The following NCF2 variants were observed in gnomAD, a reference collection of about 807,000 sequenced individuals.
NCF2 encodes neutrophil cytosolic factor 2, also known as neutrophil cytosol factor 2.
NCF2 carries 45 observed loss-of-function variants against 70.9 expected under a neutral mutation model. The observed-to-expected ratio is 0.63, with a 90% CI of 0.50 to 0.81. The LOEUF (loss-of-function observed/expected upper bound fraction) is 0.81, where lower values mean the gene tolerates loss of function less well. Ranked by LOEUF, NCF2 falls within the 40% of genes least tolerant of loss-of-function variation. The pLI, the probability that NCF2 is intolerant of heterozygous loss-of-function variation, is 0.00. For synonymous variants in NCF2, 203 were observed against 233.6 expected (o/e 0.87, Z 1.19); for missense variants, 522 against 631.6 (o/e 0.83, Z 1.86).
intron 2 of NCF2, among the ~76,000 whole-genome samples, chr1:183,579,970 A>C (rs574504000): frequency 2.9e-4 from 44 of 152,232 alleles, no homozygotes; most frequent in African/African-American, 9.9e-4. Flanking sequence ...CGTGCCATAT[A>C]AGCTATTATC....
chr1:183,592,650 T>C (rs1049449202), upstream of NCF2, among the ~76,000 whole-genome samples: 8 of 152,206 alleles, frequency 5.3e-5, no homozygotes, highest in Non-Finnish European at 7.3e-5. Context: ...ATCTAGTGAA[T>C]AAATAATCAG....
At chr1:183,557,764 G>T (rs1330276122) in intron 14 of NCF2, among the ~76,000 whole-genome samples, 3 of 152,130 alleles carry the variant, frequency 2.0e-5, no homozygotes, top group African/African-American at 7.2e-5. Flanking sequence ...CAATTGAGCT[G>T]GTTGGTTGAT....
At chr1:183,575,156 C>T (rs1051875430) in intron 3 of NCF2, among the ~76,000 whole-genome samples, 1 of 152,158 alleles carries the variant, frequency 6.6e-6, no homozygotes, top group Admixed American at 6.5e-5. Context: ...TGGCCCAGAC[C>T]ATGTGAGTAA....
rs111439551 is a variant in NCF2, at chr1:183,582,904, C to T, written c.257+3991G>A. Among the ~76,000 whole-genome samples the T allele has an allele frequency of 4.5e-3, 685 of 152,184 alleles. 7 individuals carry two copies. The highest frequency in any genetic ancestry group is 0.016 in the African/African-American group (657 of 41,502). On this transcript the variant is annotated intron_variant, in intron 2 of 14. Transcript: ENST00000367535. ...CTCTGCTTGCCTTTTCAGAAATGTG[C>T]TCTAACTTTGTTCTGTTGGAACTTT...
chr1:183,573,652 T>C (rs1384103874), intron 4 of NCF2, among the ~76,000 whole-genome samples: 1 of 152,198 alleles, frequency 6.6e-6, no homozygotes, highest in Non-Finnish European at 1.5e-5. Context: ...AGTGCTCCCT[T>C]GGATGGGTGT....
At chr1:183,595,262 GC>G (rs1460613026), upstream of NCF2, among the ~76,000 whole-genome samples, 3 of 152,092 alleles carry the variant, frequency 2.0e-5, no homozygotes, top group African/African-American at 7.2e-5. Flanking sequence ...TATAAACTTG[GC>G]CTGGATCTCA....
At chr1:183,589,087 G>C (rs967707973) in intron 1 of NCF2, among the ~76,000 whole-genome samples, 3 of 152,210 alleles carry the variant, frequency 2.0e-5, no homozygotes, top group Non-Finnish European at 4.4e-5. Flanking sequence ...CTTAGAGCCT[G>C]AGATTGACTT....
chr1:183,575,441 G>T (rs151172473), intron 3 of NCF2, among the ~76,000 whole-genome samples: 5 of 150,622 alleles, frequency 3.3e-5, no homozygotes, highest in Non-Finnish European at 5.9e-5. Context: ...CACCTCAGGT[G>T]GGGGGGGAAT....
At chr1:183,599,050 A>G in the NCF2 span, among the ~76,000 whole-genome samples, 1 of 152,264 alleles carries the variant, frequency 6.6e-6, no homozygotes, top group East Asian at 1.9e-4. Context: ...TATTACATTT[A>G]GGAACTAGCA....
intron 2 of NCF2, 74 bp from the exon 3 acceptor site, chr1:183,577,781 T>C: frequency 9.3e-7 from 1 of 1,079,744 alleles, no homozygotes; most frequent in East Asian, 2.4e-5. Flanking sequence ...GTGAGTCTGC[T>C]TCTCCCTTCC....
Position 183,567,573 on chromosome 1 carries a change from A to G in NCF2, c.714-228T>C, listed in dbSNP as rs1672368659. 14 of 665,840 alleles carry G rather than the reference A, an allele frequency of 2.1e-5. No individual in the cohort carries two copies. In the East Asian group the frequency reaches 4.0e-4, roughly 19 times the overall value. The allele number at this position is 665,840 out of a possible 1,614,324, so 41.2% of individuals were successfully genotyped here. A position where few individuals can be genotyped will look rare whatever the true frequency, so the allele number is the denominator to read the frequency against. ...ATGCAGAGGGGCAAGAATAAAGCAA[A>G]AACCCCACAACACTAGATAGTGAGG... On this transcript the variant is annotated intron_variant, in intron 7 of 14. Coordinates refer to ENST00000367535, the MANE Select transcript of NCF2 (RefSeq NM_000433.4).
chr1:183,595,834 T>G (rs1283511292), upstream of NCF2, among the ~76,000 whole-genome samples: 1 of 152,160 alleles, frequency 6.6e-6, no homozygotes, highest in Non-Finnish European at 1.5e-5. Flanking sequence ...CCTTCACCTT[T>G]GCCATGTTCT....
chr1:183,559,431 C>T (rs1004636308), intron 14 of NCF2, among the ~76,000 whole-genome samples: 1 of 152,224 alleles, frequency 6.6e-6, no homozygotes, highest in African/African-American at 2.4e-5. Flanking sequence ...TTGAAAAGTA[C>T]ATTAATTCAA....
At chr1:183,581,281 C>CAAAAAAAA (rs1303349542) in intron 2 of NCF2, among the ~76,000 whole-genome samples, 3 of 66,868 alleles carry the variant, frequency 4.5e-5, no homozygotes, top group East Asian at 7.8e-4. Context: ...AATCCTGACT[C>CAAAAAAAA]AAAAAAAAAA....
intron 2 of NCF2, among the ~76,000 whole-genome samples, chr1:183,580,836 G>A (rs906862658): frequency 4.6e-5 from 7 of 151,956 alleles, no homozygotes; most frequent in Admixed American, 6.6e-5. Context: ...AAAATTAGCC[G>A]GGCGTGGTGG....
At position 183,560,091 on chromosome 1, in the gene NCF2, C is replaced by G. The variant is rs1558090385; in HGVS notation, c.1468+5G>C. On this transcript the variant is annotated splice_donor_5th_base_variant and intron_variant, in intron 14 of 14. Transcript: ENST00000367535. Reference sequence around the variant, plus strand: ...TTGTTTCTATAGTCTTGGAGTAGCACTTACCCTTTGATAACACCAGGATTA... The same window carrying G: ...TTGTTTCTATAGTCTTGGAGTAGCAGTTACCCTTTGATAACACCAGGATTA... 1.2e-5 allele frequency: 19 copies of G among 1,614,010 alleles called. No individual in the cohort carries two copies. Among genetic ancestry groups the G allele is most frequent in the Non-Finnish European group, 1.4e-5 (17 of 1,179,874 alleles).
chr1:183,583,989 C>T (rs34229284), intron 2 of NCF2, among the ~76,000 whole-genome samples: 4,972 of 152,226 alleles, frequency 0.033, 117 homozygotes, highest in Non-Finnish European at 0.037. Flanking sequence ...AAATGAGGGT[C>T]TCAACCAAGG....
intron 7 of NCF2, chr1:183,567,640 TCC>T: frequency 2.2e-6 from 1 of 463,830 alleles, no homozygotes; most frequent in East Asian, 4.5e-5. Context: ...AGGAGGAAGG[TCC>T]CTGGCTGTGT....
intron 1 of NCF2, among the ~76,000 whole-genome samples, chr1:183,589,032 A>G (rs183513058): frequency 6.6e-6 from 1 of 152,208 alleles, no homozygotes; most frequent in African/African-American, 2.4e-5. Flanking sequence ...AGGTGGGGCC[A>G]TGTCCTTCCT....
Sources: allele counts gnomAD v4.1 joint callset (sites outside exome capture counted in the v4.1 genomes callset), GRCh38; gene constraint gnomAD v4.1.1; transcripts MANE v1.5; gene names NCBI Gene and HGNC (gene_info 2026-07-23, HGNC 2026-07-21).